Variants in ALX4 observed in about 807,000 individuals in gnomAD.
ALX4 encodes ALX homeobox 4.
In ALX4, 22 loss-of-function variants were observed where a neutral mutation model predicts 40.6. That is an observed-to-expected ratio of 0.54 (90% CI 0.39 to 0.77). The LOEUF (loss-of-function observed/expected upper bound fraction) is 0.77, where lower values mean the gene tolerates loss of function less well. Ranked by LOEUF, ALX4 falls within the 30% of genes least tolerant of loss-of-function variation. The probability of loss-of-function intolerance (pLI) is 0.00; values close to 1 mark genes in which losing one functional copy is unlikely to be tolerated. For missense variants in ALX4, 556 were observed against 564.8 expected (o/e 0.98, Z 0.16); for synonymous variants, 266 against 240.5 (o/e 1.11, Z -0.98).
At chr11:44,274,654 T>C (rs1337614075) in intron 2 of ALX4, among the ~76,000 whole-genome samples, 1 of 152,174 alleles carries the variant, frequency 6.6e-6, no homozygotes, top group Non-Finnish European at 1.5e-5. Context: ...CTGAGTTGGG[T>C]TGAGTGTGTT....
rs748769921 is a variant in ALX4, at chr11:44,309,980, C to G, written c.83G>C (p.Arg28Pro). 1 of 1,599,354 alleles carries G rather than the reference C, an allele frequency of 6.3e-7. No homozygotes were observed. The highest frequency in any genetic ancestry group is 8.5e-7 in the Non-Finnish European group (1 of 1,173,128). ...DAYYSPVSQS[R>P]EGSSPFRAFP... ...TGCCCTAAAAGGCGACGAGCCCTCCCGACTCTGCGACACCGGGCTGTAGTA... is the reference window on the plus strand; with the variant it reads ...TGCCCTAAAAGGCGACGAGCCCTCCGGACTCTGCGACACCGGGCTGTAGTA... Residue 28 changes from arginine (R) to proline (P), a missense_variant, in exon 1 of 4, where the codon CGG becomes CCG. Coordinates refer to ENST00000652299, the MANE Select transcript of ALX4 (RefSeq NM_021926.4).
At chr11:44,304,001 C>G (rs534966361) in intron 1 of ALX4, among the ~76,000 whole-genome samples, 4 of 152,196 alleles carry the variant, frequency 2.6e-5, no homozygotes, top group African/African-American at 9.6e-5. Context: ...GAGAAGACCC[C>G]GGTTGCAGCT....
chr11:44,269,569 CATTG>C (rs1179326685), intron 2 of ALX4, among the ~76,000 whole-genome samples: 2 of 152,248 alleles, frequency 1.3e-5, no homozygotes, highest in Admixed American at 6.5e-5. Context: ...TGTGCACACA[CATTG>C]ACTGGGGGAG....
Position 44,267,625 on chromosome 11 carries a change from A to T in ALX4, c.778-3T>A. 1 of 1,614,134 alleles carries T rather than the reference A, an allele frequency of 6.2e-7. No homozygotes were observed. Among genetic ancestry groups the T allele is most frequent in the Non-Finnish European group, 8.5e-7 (1 of 1,180,014 alleles). On this transcript the variant is annotated splice_region_variant and splice_polypyrimidine_tract_variant and intron_variant, in intron 2 of 3. Coordinates refer to ENST00000652299, the MANE Select transcript of ALX4 (RefSeq NM_021926.4). ...GCCCTTCGGTTCTGGAACCAGACCT[A>T]CAAGACGCGAAAAAGCCATTGTCAC...
intron 1 of ALX4, among the ~76,000 whole-genome samples, chr11:44,281,012 G>C (rs1021273632): frequency 3.9e-5 from 6 of 152,174 alleles, no homozygotes; most frequent in African/African-American, 1.4e-4. Flanking sequence ...CTACCCATCT[G>C]TCCTGGTTCA....
chr11:44,272,052 C>T (rs1260938982), intron 2 of ALX4, among the ~76,000 whole-genome samples: 1 of 152,212 alleles, frequency 6.6e-6, no homozygotes, highest in African/African-American at 2.4e-5. Context: ...AGGCTAGATG[C>T]TAGGATTCCT....
intron 1 of ALX4, among the ~76,000 whole-genome samples, chr11:44,307,771 C>T (rs553799546): frequency 1.3e-4 from 20 of 152,160 alleles, no homozygotes; most frequent in South Asian, 4.1e-4. Context: ...TGGCTTAGCA[C>T]GGAAAGAGTG....
intron 1 of ALX4, among the ~76,000 whole-genome samples, chr11:44,280,761 T>C (rs2002991): frequency 0.67 from 101,748 of 152,114 alleles, 34,130 homozygotes; most frequent in South Asian, 0.77. Context: ...TCCAGTGCTC[T>C]TCAAACAATC....
At chr11:44,291,105 AG>A (rs1253707768) in intron 1 of ALX4, among the ~76,000 whole-genome samples, 1 of 152,208 alleles carries the variant, frequency 6.6e-6, no homozygotes, top group Non-Finnish European at 1.5e-5. Context: ...CTCTGTCAAA[AG>A]TAGCTCCCAG....
chr11:44,268,580 G>A (rs1419233941), intron 2 of ALX4, among the ~76,000 whole-genome samples: 3 of 152,140 alleles, frequency 2.0e-5, no homozygotes, highest in East Asian at 1.9e-4. Context: ...TTTTGGTGAC[G>A]GGGAGTATTG....
At chr11:44,309,229 A>AGCCCCGCAGCCCC (rs1956490148) in intron 1 of ALX4, among the ~76,000 whole-genome samples, 2 of 30,436 alleles carry the variant, frequency 6.6e-5, no homozygotes, top group Non-Finnish European at 8.8e-5. Context: ...CCCGCAGCCC[A>AGCCCCGCAGCCCC]GCGCCAGAGC....
intron 1 of ALX4, among the ~76,000 whole-genome samples, chr11:44,285,614 C>A (rs982540991): frequency 6.6e-6 from 1 of 151,992 alleles, no homozygotes; most frequent in Non-Finnish European, 1.5e-5. Context: ...ACTTCAGAGC[C>A]AATAATGGTC....
In ALX4 at chr11:44,275,478, C is replaced by T. The variant is rs1014714152; in HGVS notation, c.647G>A (p.Arg216Gln). 14 of 1,613,924 alleles carry T rather than the reference C, an allele frequency of 8.7e-6. No individual in the cohort carries two copies. The highest frequency in any genetic ancestry group is 1.1e-5 in the Non-Finnish European group (13 of 1,179,896). ...GTAGCTGGTGAAGGTGGTCCGGTTC[C>T]GCCGCTTCTTGCCCTTGTTGCTCTC... is the stretch of plus-strand genomic sequence containing the variant. ...DSESNKGKKR[R>Q]NRTTFTSYQL... Residue 216 changes from arginine (R) to glutamine (Q), a missense_variant, in exon 2 of 4, where the codon CGG becomes CAG. Coordinates refer to ENST00000652299, the MANE Select transcript of ALX4 (RefSeq NM_021926.4).
At chr11:44,302,461 C>T (rs1034309895) in intron 1 of ALX4, among the ~76,000 whole-genome samples, 28 of 152,198 alleles carry the variant, frequency 1.8e-4, no homozygotes, top group African/African-American at 6.8e-4. Context: ...TTCTTCCAGC[C>T]AGCGAACATT....
chr11:44,305,927 C>T (rs776657187), intron 1 of ALX4, among the ~76,000 whole-genome samples: 1 of 152,240 alleles, frequency 6.6e-6, no homozygotes, highest in Non-Finnish European at 1.5e-5. Context: ...CCAGTACGCG[C>T]CGGCTGCAGC....
At chr11:44,285,715 C>T (rs1198494550) in intron 1 of ALX4, among the ~76,000 whole-genome samples, 1 of 150,404 alleles carries the variant, frequency 6.6e-6, no homozygotes, top group Non-Finnish European at 1.5e-5. Context: ...AACTATGGAA[C>T]ATTTTATTTT....
chr11:44,272,901 C>G (rs1413326653), intron 2 of ALX4, among the ~76,000 whole-genome samples: 1 of 152,218 alleles, frequency 6.6e-6, no homozygotes, highest in East Asian at 1.9e-4. Context: ...CTTCTGGTAG[C>G]TGCAGTTTCT....
At chr11:44,290,499 A>G (rs1230383804) in intron 1 of ALX4, among the ~76,000 whole-genome samples, 1 of 152,234 alleles carries the variant, frequency 6.6e-6, no homozygotes, top group Non-Finnish European at 1.5e-5. Flanking sequence ...GACAGGGGCC[A>G]TGGTTACAGT....
In ALX4 at chr11:44,297,116, G is replaced by A. The variant is rs1002753862; in HGVS notation, c.466+12481C>T. 3.3e-5 allele frequency among the ~76,000 whole-genome samples: 5 copies of A among 151,506 alleles called. No individual in the cohort carries two copies. The East Asian group carries it at 5.8e-4, about 18-fold the overall frequency. On this transcript the variant is annotated intron_variant, in intron 1 of 3. Coordinates refer to ENST00000652299, the MANE Select transcript of ALX4 (RefSeq NM_021926.4). ...GGTCAAGGGTGTGATGGCGGTTCCC[G>A]TTTAATAGGTATGGAGTTTCTGTTT...
Sources: gnomAD v4.1 joint callset for allele counts (sites outside exome capture counted in the v4.1 genomes callset) on GRCh38, gnomAD v4.1.1 for gene constraint, MANE v1.5 for transcripts, NCBI Gene and HGNC (gene_info 2026-07-23, HGNC 2026-07-21) for gene names.